MCTP1: variants seen among roughly 807,000 people sequenced by gnomAD.
The protein encoded by MCTP1 is multiple C2 and transmembrane domain-containing protein 1.
Under a neutral mutation model 120.6 loss-of-function variants are expected in MCTP1, and 69 were observed. The ratio of observed to expected loss-of-function variants is 0.57; its 90% CI spans 0.47 to 0.70. The LOEUF is 0.70. MCTP1 is among the 30% of genes least tolerant of loss of function. The pLI is 0.00. For synonymous variants in MCTP1, 529 were observed against 493.1 expected (o/e 1.07, Z -0.96); for missense variants, 1,203 against 1,248.8 (o/e 0.96, Z 0.55).
chr5:95,036,090 TC>T (rs1484033739), intron 1 of MCTP1, among the ~76,000 whole-genome samples: 6 of 152,078 alleles, frequency 3.9e-5, no homozygotes, highest in African/African-American at 1.4e-4. Context: ...AATTCAAATG[TC>T]ATGAAAAAGT....
At chr5:94,828,155 T>C (rs1490037666) in intron 17 of MCTP1, among the ~76,000 whole-genome samples, 1 of 152,234 alleles carries the variant, frequency 6.6e-6, no homozygotes, top group East Asian at 1.9e-4. Flanking sequence ...GTGGTCATCC[T>C]TTTTGTTGAT....
In MCTP1 at chr5:94,933,112, A is replaced by C. The variant is rs112222754; in HGVS notation, c.1174-1121T>G. On this transcript the variant is annotated intron_variant, in intron 5 of 22. Coordinates refer to ENST00000515393, the MANE Select transcript of MCTP1 (RefSeq NM_024717.7). ...AGATAATTATATGTTCCTCCTTAAC[A>C]AAGACTGTTAAATGTTGACCAAAAC... is the stretch of plus-strand genomic sequence containing the variant. 5.9e-3 allele frequency among the ~76,000 whole-genome samples: 896 copies of C among 152,068 alleles called. 10 individuals carry two copies. The highest frequency in any genetic ancestry group is 0.02 in the African/African-American group (845 of 41,532).
intron 1 of MCTP1, among the ~76,000 whole-genome samples, chr5:95,097,183 T>C (rs147375586): frequency 4.6e-5 from 7 of 152,284 alleles, no homozygotes; most frequent in African/African-American, 1.4e-4. Context: ...TGTATTCATG[T>C]TCTTAAATAG....
At position 95,042,857 on chromosome 5, in the gene MCTP1, A is replaced by C. The variant is rs187020545; in HGVS notation, c.721-25373T>G. Among the ~76,000 whole-genome samples the C allele has an allele frequency of 7.7e-4, 118 of 152,336 alleles. 1 individual carries two copies. In the Middle Eastern group the frequency reaches 0.01, roughly 13 times the overall value. On this transcript the variant is annotated intron_variant, in intron 1 of 22. Coordinates refer to ENST00000515393, the MANE Select transcript of MCTP1 (RefSeq NM_024717.7). ...ACACTTAGTATTCTATTGAATGTATATATCTACCATAATTTATTTAATCTG... is the reference window on the plus strand; with the variant it reads ...ACACTTAGTATTCTATTGAATGTATCTATCTACCATAATTTATTTAATCTG...
At chr5:94,741,831 A>G (rs897984858) in intron 19 of MCTP1, among the ~76,000 whole-genome samples, 3 of 152,304 alleles carry the variant, frequency 2.0e-5, no homozygotes, top group Middle Eastern at 3.4e-3. Context: ...TCTGTGATTT[A>G]CTGCTTGTGA....
intron 1 of MCTP1, among the ~76,000 whole-genome samples, chr5:95,162,786 C>G (rs572109091): frequency 6.6e-6 from 1 of 152,128 alleles, no homozygotes; most frequent in Non-Finnish European, 1.5e-5. Context: ...ATCTGTCAAC[C>G]ATGAACACTA....
intron 17 of MCTP1, among the ~76,000 whole-genome samples, chr5:94,832,609 A>AAC (rs59233492): frequency 0.097 from 14,280 of 147,096 alleles, 915 homozygotes; most frequent in East Asian, 0.29. Flanking sequence ...GGGCTAGCTG[A>AAC]ACACACACAC....
At chr5:95,009,520 T>A (rs186141579) in intron 2 of MCTP1, among the ~76,000 whole-genome samples, 1 of 151,830 alleles carries the variant, frequency 6.6e-6, no homozygotes. Context: ...TTCAAATAAA[T>A]GATAAAAAAT....
chr5:94,957,835 C>T (rs1823027384), intron 2 of MCTP1, among the ~76,000 whole-genome samples: 1 of 152,136 alleles, frequency 6.6e-6, no homozygotes, highest in Admixed American at 6.5e-5. Context: ...ACTTTAACAC[C>T]CCACTGTCTA....
chr5:94,951,533 T>C (rs1158209444), intron 3 of MCTP1, among the ~76,000 whole-genome samples: 1 of 152,184 alleles, frequency 6.6e-6, no homozygotes, highest in African/African-American at 2.4e-5. Flanking sequence ...CCTGTTGCTG[T>C]CCTTATTAAT....
intron 1 of MCTP1, among the ~76,000 whole-genome samples, chr5:95,195,410 G>A (rs914604100): frequency 2.0e-5 from 3 of 152,174 alleles, no homozygotes; most frequent in African/African-American, 7.2e-5. Context: ...GAGACCAGGG[G>A]TACTGTGACA....
chr5:95,186,719 GT>G (rs1749248346), intron 1 of MCTP1, among the ~76,000 whole-genome samples: 1 of 152,080 alleles, frequency 6.6e-6, no homozygotes, highest in Non-Finnish European at 1.5e-5. Flanking sequence ...AATAAAGTAG[GT>G]ACAGAAATCA....
In MCTP1 at chr5:94,819,118, T is replaced by TATTCATTCATTC. The variant is rs140930016; in HGVS notation, c.2437-19998_2437-19987dup. Among the ~76,000 whole-genome samples the TATTCATTCATTC allele has an allele frequency of 3.3e-3, 458 of 140,718 alleles. 3 individuals carry two copies. Among genetic ancestry groups the TATTCATTCATTC allele is most frequent in the African/African-American group, 7.3e-3 (279 of 38,066 alleles). 92.3% of individuals were successfully genotyped at this position (140,718 alleles called of 152,430 possible). ...TTATTTATTTATTTATTTATTTATT[T>TATTCATTCATTC]ATTCATTCATTCATTCTTTCATTCA... is the stretch of plus-strand genomic sequence containing the variant. On this transcript the variant is annotated intron_variant, in intron 17 of 22. Coordinates refer to ENST00000515393, the MANE Select transcript of MCTP1 (RefSeq NM_024717.7).
At chr5:94,781,340 C>A (rs564977067) in intron 18 of MCTP1, among the ~76,000 whole-genome samples, 23 of 152,046 alleles carry the variant, frequency 1.5e-4, no homozygotes, top group African/African-American at 5.1e-4. Flanking sequence ...CTGTGCTTAG[C>A]AGATTGTCAG....
At chr5:95,078,958 T>C (rs1488663263) in intron 1 of MCTP1, among the ~76,000 whole-genome samples, 1 of 152,170 alleles carries the variant, frequency 6.6e-6, no homozygotes, top group Non-Finnish European at 1.5e-5. Flanking sequence ...TGGAGAGAAA[T>C]CCCTGTAGAG....
intron 19 of MCTP1, among the ~76,000 whole-genome samples, chr5:94,731,092 A>C (rs192652072): frequency 5.9e-5 from 9 of 152,324 alleles, no homozygotes; most frequent in Admixed American, 4.6e-4. Context: ...CTTTTCTTTG[A>C]ATATACATTC....
At chr5:94,962,933 C>T (rs34739826) in intron 2 of MCTP1, among the ~76,000 whole-genome samples, 6,035 of 152,184 alleles carry the variant, frequency 0.04, 163 homozygotes, top group Middle Eastern at 0.095. Context: ...GAGGTGGGCT[C>T]TGAAAACTGG....
intron 1 of MCTP1, among the ~76,000 whole-genome samples, chr5:95,038,607 A>G (rs1841772117): frequency 6.6e-6 from 1 of 152,136 alleles, no homozygotes; most frequent in Non-Finnish European, 1.5e-5. Flanking sequence ...AAACTACATC[A>G]TGGAAGGCAT....
In MCTP1 at chr5:95,198,602, C is replaced by T. The variant is rs183193999; in HGVS notation, c.720+85254G>A. On this transcript the variant is annotated intron_variant, in intron 1 of 22. Coordinates refer to ENST00000515393, the MANE Select transcript of MCTP1 (RefSeq NM_024717.7). The stretch of plus-strand genomic sequence containing the variant: ...TTCACCTTATCAGGATTTATCAGGT[C>T]GGAATCCCATTGTATAATAGCCTAT... 4.6e-5 allele frequency among the ~76,000 whole-genome samples: 7 copies of T among 152,172 alleles called. No homozygotes were observed. In the East Asian group the frequency reaches 9.7e-4, roughly 21 times the overall value.
Sources: allele counts gnomAD v4.1 joint callset (sites outside exome capture counted in the v4.1 genomes callset), GRCh38; gene constraint gnomAD v4.1.1; transcripts MANE v1.5; gene names NCBI Gene and HGNC (gene_info 2026-07-23, HGNC 2026-07-21).